ANKRD28: variants seen among roughly 807,000 people sequenced by gnomAD.
ANKRD28 encodes the protein serine/threonine-protein phosphatase 6 regulatory ankyrin repeat subunit A.
A neutral mutation model predicts 126.5 loss-of-function variants in ANKRD28; 44 were observed. That is an observed-to-expected ratio of 0.35 (90% confidence interval 0.27 to 0.45). The LOEUF (loss-of-function observed/expected upper bound fraction) is 0.45. ANKRD28 is among the 20% of genes least tolerant of loss of function. ANKRD28 has a pLI of 1.00. For synonymous variants in ANKRD28, 442 were observed against 468.5 expected (o/e 0.94, Z 0.73); for missense variants, 1,110 against 1,316.6 (o/e 0.84, Z 2.43).
At chr3:15,763,041 T>G (rs1055061639) in intron 3 of ANKRD28, among the ~76,000 whole-genome samples, 1 of 152,216 alleles carries the variant, frequency 6.6e-6, no homozygotes, top group African/African-American at 2.4e-5. Flanking sequence ...CCTGGTTTAT[T>G]TCTTTATTTT....
chr3:15,722,342 A>G (rs1559407381), intron 7 of ANKRD28, among the ~76,000 whole-genome samples: 1 of 152,228 alleles, frequency 6.6e-6, no homozygotes, highest in Non-Finnish European at 1.5e-5. Context: ...TACTTCATTC[A>G]TACTGTCACA....
intron 2 of ANKRD28, among the ~76,000 whole-genome samples, chr3:15,775,427 T>C (rs1382843167): frequency 6.6e-6 from 1 of 152,150 alleles, no homozygotes; most frequent in Non-Finnish European, 1.5e-5. Context: ...CTAATTCCAT[T>C]TAATCCTGAC....
intron 2 of ANKRD28, among the ~76,000 whole-genome samples, chr3:15,780,571 C>G (rs949447043): frequency 4.0e-5 from 6 of 151,852 alleles, no homozygotes; most frequent in Non-Finnish European, 5.9e-5. Context: ...AAAAAACAAC[C>G]CTTAAATTCA....
chr3:15,700,504 G>A (rs908314164), intron 14 of ANKRD28, among the ~76,000 whole-genome samples: 6 of 151,732 alleles, frequency 4.0e-5, no homozygotes, highest in South Asian at 2.1e-4. Context: ...GGCCGGGCGC[G>A]GTGGCTCATG....
chr3:15,746,351 T>C (rs113630756), intron 4 of ANKRD28, among the ~76,000 whole-genome samples: 8 of 152,350 alleles, frequency 5.3e-5, no homozygotes, highest in African/African-American at 1.9e-4. Flanking sequence ...GAGTTTGTCA[T>C]AGACAGCTTC....
chr3:15,844,125 G>A (rs1331834667), intron 1 of ANKRD28, among the ~76,000 whole-genome samples: 1 of 152,160 alleles, frequency 6.6e-6, no homozygotes, highest in Admixed American at 6.6e-5. Context: ...GCAGGCATGG[G>A]ATAATTATGC....
At chr3:15,747,819 T>C (rs1284305519) in intron 4 of ANKRD28, among the ~76,000 whole-genome samples, 2 of 152,144 alleles carry the variant, frequency 1.3e-5, no homozygotes. Flanking sequence ...ATTATTGTGT[T>C]GCTCTCTCAT....
At chr3:15,674,170 T>A (rs1461621259) in intron 27 of ANKRD28, among the ~76,000 whole-genome samples, 7 of 12,054 alleles carry the variant, frequency 5.8e-4, no homozygotes, top group African/African-American at 1.1e-3. Flanking sequence ...AGACCCTGCC[T>A]CTTCAAAAAA....
Position 15,759,017 on chromosome 3 carries a change from C to T in ANKRD28, c.281-7197G>A, listed in dbSNP as rs553352334. ...ACTGCTAACCATATAGTTTTGAATG[C>T]AAGCATTAAGTGAATAAGCTCCCAA... is the stretch of plus-strand genomic sequence containing the variant. On this transcript the variant is annotated intron_variant, in intron 3 of 27. Coordinates refer to ENST00000683139, the MANE Select transcript of ANKRD28 (RefSeq NM_001349278.2). 8.5e-4 allele frequency among the ~76,000 whole-genome samples: 129 copies of T among 152,282 alleles called. 1 individual carries two copies. In the Middle Eastern group the frequency reaches 0.017, roughly 20 times the overall value.
intron 1 of ANKRD28, among the ~76,000 whole-genome samples, chr3:15,855,444 T>C (rs1296263452): frequency 1.3e-5 from 2 of 152,126 alleles, no homozygotes; most frequent in African/African-American, 2.4e-5. Context: ...ATGATCCAAA[T>C]GTAAAAGCTA....
chr3:15,798,027 T>A, upstream of ANKRD28: 1 of 985,378 alleles, frequency 1.0e-6, no homozygotes, highest in African/African-American at 1.7e-5. Context: ...AAAAAAATAG[T>A]GCATTTGGAC....
At chr3:15,857,060 A>C (rs1458395260) in intron 1 of ANKRD28, among the ~76,000 whole-genome samples, 2 of 152,234 alleles carry the variant, frequency 1.3e-5, no homozygotes, top group African/African-American at 4.8e-5. Context: ...TGTAGACGGG[A>C]AAGTTTAAGA....
chr3:15,679,670 C>T (rs1478900491), intron 21 of ANKRD28, 107 bp from the exon 22 acceptor site: 2 of 802,000 alleles, frequency 2.5e-6, no homozygotes, highest in East Asian at 5.3e-5. Flanking sequence ...TCTCCCTCAT[C>T]CCATCTCCCA....
chr3:15,751,128 C>T (rs1331591858), intron 4 of ANKRD28, among the ~76,000 whole-genome samples: 8 of 151,774 alleles, frequency 5.3e-5, no homozygotes, highest in East Asian at 3.9e-4. Flanking sequence ...TTCCTCAAGA[C>T]GTCTATCCTA....
exon 1 of ANKRD28, chr3:15,859,431 C>T (rs2061856471): frequency 1.3e-6 from 2 of 1,504,970 alleles, no homozygotes; most frequent in African/African-American, 1.4e-5. Context: ...CCACTCCAGC[C>T]TCCTCCTCCT....
intron 2 of ANKRD28, chr3:15,781,613 G>T (rs767923374): frequency 2.6e-5 from 4 of 152,110 alleles, no homozygotes; most frequent in African/African-American, 7.2e-5. Flanking sequence ...CAATCCAGTT[G>T]TTCGGCAGGC....
intron 2 of ANKRD28, among the ~76,000 whole-genome samples, chr3:15,774,092 T>G (rs2125628798): frequency 6.6e-6 from 1 of 152,298 alleles, no homozygotes. Context: ...GATAATCACA[T>G]GCCACAAAAT....
At chr3:15,751,665 A>C in intron 4 of ANKRD28, 85 bp downstream of exon 4, 1 of 934,718 alleles carries the variant, frequency 1.1e-6, no homozygotes, top group Non-Finnish European at 1.6e-6. Flanking sequence ...CCTTCTTTTG[A>C]AAACATAGAA....
chr3:15,725,931 T>A (rs1254441828), intron 6 of ANKRD28, among the ~76,000 whole-genome samples: 2 of 152,122 alleles, frequency 1.3e-5, no homozygotes, highest in African/African-American at 4.8e-5. Context: ...TAGTTCCAGC[T>A]ACTCGGGAGG....
Sources: gnomAD v4.1 joint callset for allele counts (sites outside exome capture counted in the v4.1 genomes callset) on GRCh38, gnomAD v4.1.1 for gene constraint, MANE v1.5 for transcripts, NCBI Gene and HGNC (gene_info 2026-07-23, HGNC 2026-07-21) for gene names.